DNAH5: variants seen among roughly 807,000 people sequenced by gnomAD.
The protein encoded by DNAH5 is dynein axonemal heavy chain 5, also known as axonemal beta dynein heavy chain 5.
In DNAH5, 372 loss-of-function variants were observed where a neutral mutation model predicts 518.2. The observed-to-expected ratio is 0.72, with a 90% confidence interval of 0.66 to 0.78. The LOEUF (loss-of-function observed/expected upper bound fraction) is 0.78, where lower values mean the gene tolerates loss of function less well. DNAH5 is among the 30% of genes least tolerant of loss of function. The pLI is 0.00. For synonymous variants in DNAH5, 2,039 were observed against 2,025.9 expected (o/e 1.01, Z -0.17); for missense variants, 5,523 against 5,687.0 (o/e 0.97, Z 0.93).
intron 75 of DNAH5, among the ~76,000 whole-genome samples, chr5:13,713,318 CATATATATACCGACAT>C (rs1308842104): frequency 9.7e-5 from 14 of 143,752 alleles, no homozygotes; most frequent in Non-Finnish European, 1.5e-4. Flanking sequence ...TATATACCGA[CATATATATACCGACAT>C]ATATATATAC....
chr5:13,817,777 A>G (rs1404046875), intron 41 of DNAH5, 83 bp from the exon 42 acceptor site: 2 of 1,343,854 alleles, frequency 1.5e-6, no homozygotes, highest in Non-Finnish European at 2.1e-6. Context: ...TTTGTGGTGT[A>G]CTGTCAGCAG....
intron 47 of DNAH5, among the ~76,000 whole-genome samples, chr5:13,796,848 C>T (rs991629931): frequency 3.3e-5 from 5 of 152,266 alleles, no homozygotes; most frequent in Admixed American, 1.3e-4. Context: ...GGTACCAAAA[C>T]AGAGAGATAG....
At chr5:13,795,234 A>T (rs1424058225) in intron 47 of DNAH5, among the ~76,000 whole-genome samples, 1 of 152,158 alleles carries the variant, frequency 6.6e-6, no homozygotes, top group East Asian at 1.9e-4. Context: ...CACACAAAAA[A>T]CCCTTCAGAA....
intron 75 of DNAH5, among the ~76,000 whole-genome samples, chr5:13,713,122 T>C (rs557382592): frequency 2.7e-5 from 4 of 147,636 alleles, no homozygotes; most frequent in South Asian, 2.1e-4. Context: ...TATATATATA[T>C]ATACACACAC....
In DNAH5 at chr5:13,823,270, C is replaced by A. The variant is rs1444931826; in HGVS notation, c.6680G>T (p.Ser2227Ile). ...AGYPELEAAI[S>I]RQVEEAGLIN... is the part of the protein sequence containing the mutation. ...CCCTGTGAAGCATATTACCTGTCTACTAATTGCTGCTTCCAGTTCAGGGTA... is the reference window on the plus strand; with the variant it reads ...CCCTGTGAAGCATATTACCTGTCTAATAATTGCTGCTTCCAGTTCAGGGTA... Residue 2227 changes from serine (S) to isoleucine (I), a missense_variant, in exon 40 of 79, where the codon AGT becomes ATT. Physicochemically the swap from Ser to Ile is moderately radical, Grantham distance 142. Coordinates refer to ENST00000265104, the MANE Select transcript of DNAH5 (RefSeq NM_001369.3). The A allele has an allele frequency of 1.9e-6, 3 of 1,603,100 alleles. No individual in the cohort carries two copies. Among genetic ancestry groups the A allele is most frequent in the Non-Finnish European group, 8.5e-7 (1 of 1,169,942 alleles).
chr5:13,732,054 A>G (rs1746637807), intron 68 of DNAH5, among the ~76,000 whole-genome samples: 1 of 149,546 alleles, frequency 6.7e-6, no homozygotes, highest in Admixed American at 6.7e-5. Context: ...CAGGAGTTTG[A>G]GGTTACAGTG....
chr5:13,725,972 C>T (rs1220374749), intron 70 of DNAH5, among the ~76,000 whole-genome samples: 1 of 152,160 alleles, frequency 6.6e-6, no homozygotes, highest in Non-Finnish European at 1.5e-5. Context: ...TTTTAAGACA[C>T]AAATGTGTAC....
intron 7 of DNAH5, among the ~76,000 whole-genome samples, 164 bp downstream of exon 7, chr5:13,919,012 T>C (rs778215431): frequency 1.3e-5 from 2 of 152,228 alleles, no homozygotes; most frequent in Admixed American, 6.5e-5. Flanking sequence ...TCAAAGACTA[T>C]TTCCGCAGCC....
intron 1 of DNAH5, among the ~76,000 whole-genome samples, chr5:13,996,329 A>T (rs575848334): frequency 6.6e-6 from 1 of 152,252 alleles, no homozygotes; most frequent in South Asian, 2.1e-4. Flanking sequence ...CCCCGAATTC[A>T]TGTCTTTCTC....
intron 33 of DNAH5, among the ~76,000 whole-genome samples, chr5:13,841,405 T>C (rs1448649194): frequency 1.3e-5 from 2 of 152,216 alleles, no homozygotes; most frequent in East Asian, 3.8e-4. Flanking sequence ...TTCATGATTT[T>C]TGTACATTGT....
At chr5:13,743,933 C>T (rs541701210) in intron 65 of DNAH5, among the ~76,000 whole-genome samples, 1 of 151,916 alleles carries the variant, frequency 6.6e-6, no homozygotes, top group Non-Finnish European at 1.5e-5. Flanking sequence ...TGGATACACA[C>T]ACTGAAACAA....
chr5:13,722,746 C>A (rs1745221214), intron 70 of DNAH5, among the ~76,000 whole-genome samples: 1 of 152,226 alleles, frequency 6.6e-6, no homozygotes, highest in South Asian at 2.1e-4. Flanking sequence ...ACAGCTGGAC[C>A]ATTTTACTGT....
Position 13,829,712 on chromosome 5 carries a change from G to A in DNAH5, c.6250-8C>T, listed in dbSNP as rs1561372063. 1.2e-6 allele frequency: 2 copies of A among 1,613,188 alleles called. No individual in the cohort carries two copies. On this transcript the variant is annotated splice_region_variant and splice_polypyrimidine_tract_variant and intron_variant, in intron 37 of 78. Transcript: ENST00000265104. ...TCCGGCATAGCCAGGATTCTAAACAGAAAATAAAGCCCAAGGATGAATGAT... is the reference window on the plus strand; with the variant it reads ...TCCGGCATAGCCAGGATTCTAAACAAAAAATAAAGCCCAAGGATGAATGAT...
At chr5:13,867,145 C>T (rs1017632652) in intron 25 of DNAH5, among the ~76,000 whole-genome samples, 1 of 152,154 alleles carries the variant, frequency 6.6e-6, no homozygotes, top group African/African-American at 2.4e-5. Flanking sequence ...CAGTAACAGA[C>T]CAAATTATAC....
chr5:13,911,527 C>G, intron 11 of DNAH5, 34 bp from the exon 12 acceptor site: 1 of 1,501,498 alleles, frequency 6.7e-7, no homozygotes, highest in Non-Finnish European at 9.2e-7. Flanking sequence ...GATAATATTT[C>G]AATATTCTTA....
rs1393897698 is a variant in DNAH5, at chr5:13,917,944, TAACA to T, written c.976-692_976-689del. Among the ~76,000 whole-genome samples the T allele has an allele frequency of 3.3e-5, 5 of 152,338 alleles. No individual in the cohort carries two copies. In the South Asian group the frequency reaches 6.2e-4, roughly 19 times the overall value. On this transcript the variant is annotated intron_variant, in intron 7 of 78. Transcript: ENST00000265104. The stretch of plus-strand genomic sequence containing the variant: ...AGCTAATAACACCCATGCAAATAGT[TAACA>T]AACAGTCTTTCCAGCACCAGTGCCA...
At chr5:13,729,961 A>C (rs1746260224) in intron 68 of DNAH5, among the ~76,000 whole-genome samples, 1 of 152,242 alleles carries the variant, frequency 6.6e-6, no homozygotes. Context: ...AATGAGCATC[A>C]ATTTTCAATA....
intron 16 of DNAH5, among the ~76,000 whole-genome samples, chr5:13,893,584 A>G (rs143586205): frequency 1.4e-3 from 219 of 152,276 alleles, no homozygotes; most frequent in African/African-American, 4.9e-3. Context: ...AGAATCCATA[A>G]ATCTATACAA....
At chr5:13,834,347 C>T (rs4620022) in intron 35 of DNAH5, among the ~76,000 whole-genome samples, 62,869 of 151,852 alleles carry the variant, frequency 0.41, 13,430 homozygotes, top group East Asian at 0.61. Context: ...TCTAAGCATC[C>T]ACAGTTTTCA....
Sources: gnomAD v4.1 joint callset for allele counts (sites outside exome capture counted in the v4.1 genomes callset) on GRCh38, gnomAD v4.1.1 for gene constraint, MANE v1.5 for transcripts, NCBI Gene and HGNC (gene_info 2026-07-23, HGNC 2026-07-21) for gene names.